The following ITGBL1 variants were observed in gnomAD, a reference collection of about 807,000 sequenced individuals.
ITGBL1 encodes the protein integrin beta-like protein 1.
In ITGBL1, 51 loss-of-function variants were observed where a neutral mutation model predicts 68.5. The ratio of observed to expected loss-of-function variants is 0.74; its 90% CI spans 0.59 to 0.94. The LOEUF is 0.94. Among genes scored for constraint, ITGBL1 ranks in the 40% least tolerant of loss-of-function variants. ITGBL1 has a pLI of 0.00. For missense variants in ITGBL1, 649 were observed against 647.4 expected, an observed-to-expected ratio of 1.00 and a Z score of -0.03; for synonymous variants, 209 against 227.3, an observed-to-expected ratio of 0.92 and a Z score of 0.72.
intron 7 of ITGBL1, among the ~76,000 whole-genome samples, chr13:101,672,471 C>T (rs1235352666): frequency 6.6e-6 from 1 of 152,208 alleles, no homozygotes; most frequent in East Asian, 1.9e-4. Flanking sequence ...CTCAAAATGG[C>T]AGCTCCATCC....
intron 2 of ITGBL1, among the ~76,000 whole-genome samples, chr13:101,462,584 A>G (rs1303971384): frequency 6.6e-6 from 1 of 151,654 alleles, no homozygotes; most frequent in Non-Finnish European, 1.5e-5. Context: ...CATCTTTTCC[A>G]TATCATTATT....
chr13:101,606,801 G>C (rs2030888428), intron 7 of ITGBL1, among the ~76,000 whole-genome samples: 1 of 151,970 alleles, frequency 6.6e-6, no homozygotes, highest in Non-Finnish European at 1.5e-5. Flanking sequence ...ATGTGAATGA[G>C]AAAGAAACAC....
chr13:101,604,894 A>ACACC (rs2030632230), intron 7 of ITGBL1, among the ~76,000 whole-genome samples: 1 of 118,244 alleles, frequency 8.5e-6, no homozygotes, highest in Non-Finnish European at 1.8e-5. Context: ...ATATACACAC[A>ACACC]CACACACATA....
chr13:101,599,364 A>C (rs1381017111), intron 7 of ITGBL1, among the ~76,000 whole-genome samples: 19 of 151,436 alleles, frequency 1.3e-4, no homozygotes, highest in South Asian at 4.2e-4. Flanking sequence ...AGGTTGCAAA[A>C]ATTTTCTCCC....
At chr13:101,569,798 C>T (rs1813994953) in intron 3 of ITGBL1, among the ~76,000 whole-genome samples, 1 of 152,122 alleles carries the variant, frequency 6.6e-6, no homozygotes, top group South Asian at 2.1e-4. Context: ...AATGTTTCAT[C>T]TGGAAGCACA....
At chr13:101,604,917 T>C (rs1310151942) in intron 7 of ITGBL1, among the ~76,000 whole-genome samples, 1 of 80,170 alleles carries the variant, frequency 1.2e-5, no homozygotes, top group Non-Finnish European at 2.7e-5. Context: ...TATGTGCATA[T>C]ATGTGTGTAT....
chr13:101,667,911 A>C lies in ITGBL1; in HGVS notation c.1016-24674A>C, dbSNP rs539927599. Among the ~76,000 whole-genome samples, 548 of 152,000 alleles carry C rather than the reference A, an allele frequency of 3.6e-3. 17 individuals are homozygous for C. The highest frequency in any genetic ancestry group is 0.032 in the Admixed American group (487 of 15,250). ...GACACTTAAAAGTGTAAAAAAAAAA[A>C]AACCCCAAATGCCTTTTAGCTCATG... On this transcript the variant is annotated intron_variant, in intron 7 of 10. Coordinates refer to ENST00000376180, the MANE Select transcript of ITGBL1 (RefSeq NM_004791.3).
chr13:101,717,494 T>C (rs530494884), downstream of ITGBL1: 5 of 152,296 alleles, frequency 3.3e-5, no homozygotes, highest in Admixed American at 6.5e-5. Context: ...ATTATTGTTT[T>C]GTAGCAATTT....
chr13:101,564,620 G>GAT (rs57096465), intron 2 of ITGBL1, among the ~76,000 whole-genome samples: 118,370 of 147,322 alleles, frequency 0.8, 47,783 homozygotes, highest in African/African-American at 0.89. Flanking sequence ...TGTATATGTT[G>GAT]ATATATATAT....
At chr13:101,651,803 G>C (rs1566775954) in intron 7 of ITGBL1, among the ~76,000 whole-genome samples, 1 of 151,988 alleles carries the variant, frequency 6.6e-6, no homozygotes, top group Non-Finnish European at 1.5e-5. Flanking sequence ...TATAGTTTTG[G>C]GTTTTACATT....
intron 2 of ITGBL1, among the ~76,000 whole-genome samples, chr13:101,491,894 G>A (rs968794977): frequency 6.6e-6 from 1 of 152,054 alleles, no homozygotes; most frequent in East Asian, 1.9e-4. Flanking sequence ...TTGGATTTCT[G>A]TTCCTGGGTT....
chr13:101,512,240 G>A (rs895569708), intron 2 of ITGBL1, among the ~76,000 whole-genome samples: 5 of 151,854 alleles, frequency 3.3e-5, no homozygotes, highest in Non-Finnish European at 1.5e-5. Context: ...CCTTTGCTGG[G>A]TTATTTCTGT....
intron 2 of ITGBL1, among the ~76,000 whole-genome samples, chr13:101,502,054 A>G (rs1230545190): frequency 3.3e-5 from 5 of 152,166 alleles, no homozygotes; most frequent in African/African-American, 9.7e-5. Context: ...AAAAATAAGA[A>G]TGTGTATTGG....
At chr13:101,579,193 C>A in intron 4 of ITGBL1, 94 bp from the exon 5 acceptor site, 1 of 1,377,462 alleles carries the variant, frequency 7.3e-7, no homozygotes, top group African/African-American at 1.4e-5. Context: ...GACAGTATTT[C>A]AGAAGGCAAA....
chr13:101,572,239 T>C (rs537699761), intron 3 of ITGBL1, among the ~76,000 whole-genome samples: 106 of 152,220 alleles, frequency 7.0e-4, no homozygotes, highest in Non-Finnish European at 1.3e-3. Context: ...TCCTTCCCTT[T>C]CATATCACAG....
chr13:101,688,174 G>A (rs1236223623), intron 7 of ITGBL1, among the ~76,000 whole-genome samples: 1 of 152,138 alleles, frequency 6.6e-6, no homozygotes, highest in Non-Finnish European at 1.5e-5. Flanking sequence ...TTAGTTGGCT[G>A]CTACCAAGAT....
rs980834440 is a variant in ITGBL1 at position 101,579,292 on chromosome 13, G to A, written c.592G>A (p.Gly198Arg). The change falls in exon 5 of 11, where the codon GGG becomes AGG. Residue 198 changes from glycine (G) to arginine (R), a missense_variant. By Grantham distance (125) the Gly-to-Arg change is moderately radical. Coordinates refer to ENST00000376180, the MANE Select transcript of ITGBL1 (RefSeq NM_004791.3). ...AAAATTCATTTTGGGTAAAGGCCAT[G>A]GGAAGTGTTACTGTGGAAACTGCTA... ...DETEEICGGHGKCYCGNCYCK... is the reference protein window; with the variant it reads ...DETEEICGGHRKCYCGNCYCK... The A allele has an allele frequency of 1.2e-6, 2 of 1,613,426 alleles. No individual in the cohort carries two copies. Among genetic ancestry groups the A allele is most frequent in the Non-Finnish European group, 8.5e-7 (1 of 1,179,652 alleles).
intron 7 of ITGBL1, among the ~76,000 whole-genome samples, chr13:101,646,191 G>A (rs867769463): frequency 8.5e-5 from 13 of 152,126 alleles, no homozygotes; most frequent in Non-Finnish European, 4.4e-5. Flanking sequence ...TATGCTTCTT[G>A]TTGTAGTCTC....
At chr13:101,678,382 T>C (rs547266821) in intron 7 of ITGBL1, among the ~76,000 whole-genome samples, 2 of 152,362 alleles carry the variant, frequency 1.3e-5, no homozygotes, top group African/African-American at 2.4e-5. Flanking sequence ...TATGTATTTT[T>C]CTATTGATTT....
Sources: gnomAD v4.1 joint callset for allele counts (sites outside exome capture counted in the v4.1 genomes callset) on GRCh38, gnomAD v4.1.1 for gene constraint, MANE v1.5 for transcripts, NCBI Gene and HGNC (gene_info 2026-07-23, HGNC 2026-07-21) for gene names.